RBFOX1: variants seen among roughly 807,000 people sequenced by gnomAD.
RBFOX1 encodes RNA binding fox-1 homolog 1, also known as RNA binding protein fox-1 homolog 1.
A neutral mutation model predicts 57.7 loss-of-function variants in RBFOX1; 8 were observed. The ratio of observed to expected loss-of-function variants is 0.14; its 90% CI spans 0.08 to 0.25. RBFOX1 has a LOEUF of 0.25. Among genes scored for constraint, RBFOX1 ranks in the 10% least tolerant of loss-of-function variants. RBFOX1 has a pLI of 1.00. For missense variants in RBFOX1, 611 were observed against 548.5 expected (o/e 1.11, Z -1.14); for synonymous variants, 326 against 222.4 (o/e 1.47, Z -4.15).
chr16:6,117,880 C>T (rs2096514176), intron 1 of RBFOX1, among the ~76,000 whole-genome samples: 1 of 152,082 alleles, frequency 6.6e-6, no homozygotes, highest in Admixed American at 6.6e-5. Flanking sequence ...GTTTCCTTCC[C>T]ACCACCATGA....
In RBFOX1 at chr16:6,951,859, G is replaced by A. The variant is rs545734520; in HGVS notation, c.-15-100198G>A. Among the ~76,000 whole-genome samples, 26 of 152,204 alleles carry A rather than the reference G, an allele frequency of 1.7e-4. No individual in the cohort carries two copies. The South Asian group carries it at 3.9e-3, about 23-fold the overall frequency. On this transcript the variant is annotated intron_variant, in intron 3 of 15. Coordinates refer to ENST00000550418, the MANE Select transcript of RBFOX1 (RefSeq NM_018723.4). Reference sequence around the variant, plus strand: ...AGCGATTCTCCTGCCTCAGCCTACTGAGTAGCTGGGATTACAGGCATATGC... The same window carrying A: ...AGCGATTCTCCTGCCTCAGCCTACTAAGTAGCTGGGATTACAGGCATATGC...
At chr16:7,097,667 GT>G (rs2061935930) in intron 4 of RBFOX1, among the ~76,000 whole-genome samples, 1 of 152,080 alleles carries the variant, frequency 6.6e-6, no homozygotes, top group South Asian at 2.1e-4. Flanking sequence ...TCTGCATCTG[GT>G]TTTGATCTAT....
At chr16:7,315,735 C>G (rs1015275997) in intron 4 of RBFOX1, among the ~76,000 whole-genome samples, 11 of 151,876 alleles carry the variant, frequency 7.2e-5, no homozygotes, top group Non-Finnish European at 7.4e-5. Flanking sequence ...AAGCAGGTGT[C>G]CAGCAAATGC....
chr16:7,329,441 GTGTCGACC>G (rs1012418972), intron 4 of RBFOX1, among the ~76,000 whole-genome samples: 1 of 152,216 alleles, frequency 6.6e-6, no homozygotes, highest in African/African-American at 2.4e-5. Flanking sequence ...ACACGACATA[GTGTCGACC>G]TTCTAGAGGA....
chr16:7,624,254 T>G (rs1313937498), intron 10 of RBFOX1, among the ~76,000 whole-genome samples: 2 of 152,252 alleles, frequency 1.3e-5, no homozygotes, highest in African/African-American at 4.8e-5. Context: ...TAGCATTGAT[T>G]CCTATTACTA....
At chr16:5,716,794 C>G (rs2051717693) in intron 3 of RBFOX1, among the ~76,000 whole-genome samples, 1 of 152,192 alleles carries the variant, frequency 6.6e-6, no homozygotes, top group African/African-American at 2.4e-5. Context: ...GAAACTGGAG[C>G]TCAAGGAAGC....
intron 3 of RBFOX1, among the ~76,000 whole-genome samples, chr16:6,970,086 G>T (rs1425018629): frequency 3.9e-5 from 6 of 152,104 alleles, no homozygotes; most frequent in African/African-American, 9.7e-5. Context: ...GCTGAGGCAG[G>T]AAGATGATTT....
chr16:5,309,068 T>C (rs1471222495), intron 1 of RBFOX1, among the ~76,000 whole-genome samples: 1 of 152,192 alleles, frequency 6.6e-6, no homozygotes, highest in Non-Finnish European at 1.5e-5. Context: ...TCAACTTCTT[T>C]AAACACACTC....
chr16:7,139,009 G>T (rs2072843833), intron 4 of RBFOX1, among the ~76,000 whole-genome samples: 1 of 152,038 alleles, frequency 6.6e-6, no homozygotes, highest in Non-Finnish European at 1.5e-5. Flanking sequence ...TTACCATTTT[G>T]AGCAGGCTGG....
chr16:6,977,135 A>C (rs1225383260), intron 3 of RBFOX1, among the ~76,000 whole-genome samples: 3 of 135,882 alleles, frequency 2.2e-5, no homozygotes, highest in South Asian at 4.7e-4. Flanking sequence ...TATATATGAT[A>C]TATATTATAT....
At chr16:7,479,613 A>G (rs1037388175) in intron 4 of RBFOX1, among the ~76,000 whole-genome samples, 2 of 152,170 alleles carry the variant, frequency 1.3e-5, no homozygotes, top group Non-Finnish European at 1.5e-5. Context: ...GCATCTCACC[A>G]CAGCTCAGAG....
At chr16:7,001,392 G>GTATA (rs1331089096) in intron 3 of RBFOX1, among the ~76,000 whole-genome samples, 22 of 84,116 alleles carry the variant, frequency 2.6e-4, no homozygotes, top group South Asian at 3.9e-4. Flanking sequence ...GTATGTGTAT[G>GTATA]TGTATTTGTA....
At chr16:7,567,986 C>A (rs2092304083) in intron 5 of RBFOX1, among the ~76,000 whole-genome samples, 1 of 151,358 alleles carries the variant, frequency 6.6e-6, no homozygotes, top group South Asian at 2.1e-4. Context: ...ATTAAAATGC[C>A]AAATTTATTT....
intron 2 of RBFOX1, among the ~76,000 whole-genome samples, chr16:5,543,003 T>C (rs753995591): frequency 1.1e-4 from 16 of 152,284 alleles, no homozygotes; most frequent in Admixed American, 3.9e-4. Flanking sequence ...TTATAAGACA[T>C]TGGGTAGAGT....
chr16:6,576,412 G>A (rs150968049), intron 2 of RBFOX1, among the ~76,000 whole-genome samples: 6 of 152,250 alleles, frequency 3.9e-5, no homozygotes, highest in African/African-American at 1.2e-4. Context: ...CCACATAGTG[G>A]ACCCAGTTGG....
chr16:6,420,136 C>A (rs988052430), intron 2 of RBFOX1, among the ~76,000 whole-genome samples: 2 of 152,128 alleles, frequency 1.3e-5, no homozygotes. Flanking sequence ...GTCCTTTTCT[C>A]CCGTTGTCTT....
intron 2 of RBFOX1, among the ~76,000 whole-genome samples, chr16:6,533,642 T>C (rs1159906397): frequency 6.6e-6 from 1 of 152,156 alleles, no homozygotes; most frequent in African/African-American, 2.4e-5. Context: ...AGCAAGTCTT[T>C]TCAACAAATA....
chr16:7,096,897 ACT>A (rs2061787276), intron 4 of RBFOX1, among the ~76,000 whole-genome samples: 2 of 131,050 alleles, frequency 1.5e-5, no homozygotes, highest in Non-Finnish European at 3.0e-5. Flanking sequence ...GTACCACTGC[ACT>A]CTAGCTTGGG....
chr16:6,304,617 G>T (rs2079234495), intron 1 of RBFOX1, among the ~76,000 whole-genome samples: 2 of 152,000 alleles, frequency 1.3e-5, no homozygotes, highest in African/African-American at 4.8e-5. Context: ...GCATGGTGGT[G>T]CTTGCCTGTA....
Sources: gnomAD v4.1 joint callset for allele counts (sites outside exome capture counted in the v4.1 genomes callset) on GRCh38, gnomAD v4.1.1 for gene constraint, MANE v1.5 for transcripts, NCBI Gene and HGNC (gene_info 2026-07-23, HGNC 2026-07-21) for gene names.